The following NAV2 variants were observed in gnomAD, a reference collection of about 807,000 sequenced individuals.
NAV2 encodes the protein neuron navigator 2.
Under a neutral mutation model 223.2 loss-of-function variants are expected in NAV2, and 54 were observed. That is an observed-to-expected ratio of 0.24 (90% CI 0.19 to 0.30). The LOEUF (loss-of-function observed/expected upper bound fraction) is 0.30, where lower values mean the gene tolerates loss of function less well. Among genes scored for constraint, NAV2 ranks in the 10% least tolerant of loss-of-function variants. NAV2 has a pLI of 1.00. For synonymous variants in NAV2, 1,279 were observed against 1,239.3 expected (o/e 1.03, Z -0.67); for missense variants, 2,806 against 3,147.5 (o/e 0.89, Z 2.60).
intron 11 of NAV2, among the ~76,000 whole-genome samples, chr11:20,020,880 A>G (rs1244179472): frequency 1.3e-5 from 2 of 151,618 alleles, no homozygotes; most frequent in Non-Finnish European, 2.9e-5. Context: ...TCCTCACCCC[A>G]CTTTGGTTCA....
At chr11:19,675,359 C>T (rs944634456) in intron 1 of NAV2, among the ~76,000 whole-genome samples, 2 of 152,198 alleles carry the variant, frequency 1.3e-5, no homozygotes, top group African/African-American at 4.8e-5. Context: ...AACTTAAGGG[C>T]TCCCTTCTCA....
chr11:19,563,112 G>C (rs571168211), intron 1 of NAV2, among the ~76,000 whole-genome samples: 1 of 152,184 alleles, frequency 6.6e-6, no homozygotes, highest in Non-Finnish European at 1.5e-5. Context: ...GAAAACAAAA[G>C]AAATACAAAA....
chr11:19,470,658 G>C (rs2041935864), intron 1 of NAV2, among the ~76,000 whole-genome samples: 1 of 151,966 alleles, frequency 6.6e-6, no homozygotes. Context: ...TTACATAGGG[G>C]ATTAAGTTTT....
chr11:19,831,715 C>T (rs2059952182), intron 1 of NAV2, among the ~76,000 whole-genome samples: 1 of 152,146 alleles, frequency 6.6e-6, no homozygotes, highest in Non-Finnish European at 1.5e-5. Context: ...CCTGACCATT[C>T]TGTGACCAGG....
chr11:19,972,314 G>A (rs2153430201), intron 10 of NAV2, among the ~76,000 whole-genome samples: 1 of 152,336 alleles, frequency 6.6e-6, no homozygotes, highest in East Asian at 1.9e-4. Flanking sequence ...CGAGTGACCA[G>A]GGCCAGCATT....
At chr11:19,517,741 C>T (rs1186441910) in intron 1 of NAV2, among the ~76,000 whole-genome samples, 1 of 152,230 alleles carries the variant, frequency 6.6e-6, no homozygotes, top group African/African-American at 2.4e-5. Context: ...CTGTGGTTCC[C>T]ACCCTGGTGT....
chr11:19,689,204 C>T (rs1348869363), intron 1 of NAV2, among the ~76,000 whole-genome samples: 1 of 152,188 alleles, frequency 6.6e-6, no homozygotes. Context: ...GAAAGCCAGG[C>T]TGAGCCAAGC....
intron 32 of NAV2, 129 bp downstream of exon 32, chr11:20,101,301 A>C (rs1007795480): frequency 2.0e-5 from 14 of 690,082 alleles, no homozygotes; most frequent in African/African-American, 1.6e-4. Context: ...GCCAAGTGAA[A>C]GAGGTCCAGA....
intron 1 of NAV2, among the ~76,000 whole-genome samples, chr11:19,589,047 T>TTCCTCTGTGCC (rs1411061863): frequency 1.3e-5 from 2 of 152,206 alleles, no homozygotes; most frequent in Non-Finnish European, 2.9e-5. Flanking sequence ...TACCTGGTCC[T>TTCCTCTGTGCC]TCCTCTGTGC....
chr11:19,873,005 A>G (rs1165021000), intron 4 of NAV2, among the ~76,000 whole-genome samples: 1 of 152,186 alleles, frequency 6.6e-6, no homozygotes, highest in Non-Finnish European at 1.5e-5. Flanking sequence ...TGTCACAGCC[A>G]TCTGTAAAAC....
intron 1 of NAV2, among the ~76,000 whole-genome samples, chr11:19,556,406 G>A (rs567515826): frequency 1.1e-4 from 16 of 152,208 alleles, no homozygotes; most frequent in Admixed American, 2.6e-4. Context: ...CAATATGAAC[G>A]AAGTAAACAG....
At chr11:20,020,793 G>A (rs1414196132) in intron 11 of NAV2, among the ~76,000 whole-genome samples, 1 of 152,120 alleles carries the variant, frequency 6.6e-6, no homozygotes, top group East Asian at 1.9e-4. Context: ...AAGACAAGCT[G>A]CTTACGCTGA....
chr11:19,447,620 A>G (rs1851633554), intron 1 of NAV2, among the ~76,000 whole-genome samples: 1 of 152,214 alleles, frequency 6.6e-6, no homozygotes, highest in Non-Finnish European at 1.5e-5. Flanking sequence ...GAATTCTTAC[A>G]ACACTATGAC....
chr11:20,044,863 A>G (rs918802529), intron 13 of NAV2, 105 bp from the exon 14 acceptor site: 49 of 911,178 alleles, frequency 5.4e-5, no homozygotes, highest in Non-Finnish European at 2.3e-5. Context: ...TGCCTCCCCA[A>G]GGGAAAAGTG....
intron 1 of NAV2, among the ~76,000 whole-genome samples, chr11:19,756,763 G>C (rs1021955677): frequency 3.9e-5 from 6 of 152,156 alleles, no homozygotes; most frequent in Non-Finnish European, 1.5e-5. Context: ...GCTCCTGCTG[G>C]GAGTTAAAAA....
chr11:19,780,189 G>A (rs778346040), intron 1 of NAV2, among the ~76,000 whole-genome samples: 10 of 152,202 alleles, frequency 6.6e-5, no homozygotes, highest in Non-Finnish European at 1.0e-4. Flanking sequence ...AGGAGAGAAG[G>A]CAGTAGCTGG....
At chr11:19,698,042 C>CTCA (rs1188846879) in intron 1 of NAV2, among the ~76,000 whole-genome samples, 1 of 152,246 alleles carries the variant, frequency 6.6e-6, no homozygotes, top group Admixed American at 6.5e-5. Context: ...TCAGAACCCA[C>CTCA]TCATCACAGC....
intron 1 of NAV2, among the ~76,000 whole-genome samples, chr11:19,454,356 A>G (rs932022381): frequency 1.3e-5 from 2 of 152,178 alleles, no homozygotes; most frequent in Admixed American, 1.3e-4. Context: ...CTGAAAAAGT[A>G]GGTCCCCAAG....
intron 6 of NAV2, among the ~76,000 whole-genome samples, chr11:19,898,925 C>G (rs1222032715): frequency 1.3e-5 from 2 of 152,172 alleles, no homozygotes; most frequent in African/African-American, 4.8e-5. Context: ...TGTTTACTGA[C>G]ACTGCTTTGA....
Sources: allele counts gnomAD v4.1 joint callset (sites outside exome capture counted in the v4.1 genomes callset), GRCh38; gene constraint gnomAD v4.1.1; transcripts MANE v1.5; gene names NCBI Gene and HGNC (gene_info 2026-07-23, HGNC 2026-07-21).